A2M: variants seen among roughly 807,000 people sequenced by gnomAD.
A2M encodes the protein alpha-2-macroglobulin.
A2M carries 128 observed loss-of-function variants against 183.9 expected under a neutral mutation model. The observed-to-expected ratio is 0.70, with a 90% CI of 0.60 to 0.81. The LOEUF (loss-of-function observed/expected upper bound fraction) is 0.81, where lower values mean the gene tolerates loss of function less well. Ranked by LOEUF, A2M falls within the 30% of genes least tolerant of loss-of-function variation. A2M has a pLI of 0.00. For synonymous variants in A2M, 592 were observed against 670.8 expected (o/e 0.88, Z 1.81); for missense variants, 1,495 against 1,787.6 (o/e 0.84, Z 2.95).
In A2M at chr12:9,074,777, G is replaced by A. The variant is rs1490864105; in HGVS notation, c.3539C>T (p.Ser1180Phe). The change falls in exon 29 of 36, where the codon TCT becomes TTT. Residue 1180 changes from serine to phenylalanine, a missense_variant. Ser to Phe is a radical substitution (Grantham distance 155). Transcript: ENST00000318602. ...LNEEAVKKDN[S>F]VHWERPQKPK... ...TTTCTGAGGGCGCTCCCAATGGACA[G>A]AGTTGTCTTAAAGATGAGAAAAAGA... 3 of 1,611,360 alleles carry A rather than the reference G, an allele frequency of 1.9e-6. No homozygotes were observed. The highest frequency in any genetic ancestry group is 1.1e-5 in the South Asian group (1 of 90,532).
intron 29 of A2M, 62 bp from the exon 30 acceptor site, chr12:9,072,933 A>G: frequency 7.1e-7 from 1 of 1,409,394 alleles, no homozygotes; most frequent in Middle Eastern, 2.4e-4. Context: ...GGGCTGAGAT[A>G]TTTTTCAAAG....
rs1417202207 is a variant in A2M at position 9,099,380 on chromosome 12, C to G, written c.1701+1G>C. On this transcript the variant is annotated splice_donor_variant, in intron 14 of 35. Coordinates refer to ENST00000318602, the MANE Select transcript of A2M (RefSeq NM_000014.6). LOFTEE classifies it high-confidence loss of function. ...AAGATTTTATGATCTAAAACACACA[C>G]CTTGTTGGCCAGACAATTTTCAACA... The G allele has an allele frequency of 6.4e-7, 1 of 1,554,322 alleles. No homozygotes were observed.
chr12:9,076,708 C>G, intron 28 of A2M, 48 bp downstream of exon 28: 1 of 1,606,050 alleles, frequency 6.2e-7, no homozygotes, highest in Non-Finnish European at 8.5e-7. Flanking sequence ...CCATGCAGTT[C>G]TTGATACAGA....
In A2M at chr12:9,077,846, A is replaced by C; in HGVS notation, c.3131T>G (p.Phe1044Cys). The C allele has an allele frequency of 1.2e-6, 2 of 1,614,130 alleles. No homozygotes were observed. Among genetic ancestry groups the C allele is most frequent in the Non-Finnish European group, 1.7e-6 (2 of 1,179,992 alleles). The part of the protein sequence containing the change: ...RNQGNTWLTA[F>C]VLKTFAQARA... ...AGCTTGGGCAAAAGTCTTCAGAACA[A>C]AGGCTGTGAGCCTGACCAGGGAGGA... Residue 1044 changes from phenylalanine to cysteine, a missense_variant, in exon 26 of 36, where the codon TTT becomes TGT. By Grantham distance (205) the Phe-to-Cys change is radical. Coordinates refer to ENST00000318602, the MANE Select transcript of A2M (RefSeq NM_000014.6).
intron 24 of A2M, 94 bp downstream of exon 24, chr12:9,079,545 C>A: frequency 8.1e-7 from 1 of 1,241,500 alleles, no homozygotes; most frequent in Non-Finnish European, 1.1e-6. Context: ...GTGAGCTAAG[C>A]TAATGTATCA....
intron 1 of A2M, 26 bp from the exon 2 acceptor site, chr12:9,113,569 G>C: frequency 6.2e-7 from 1 of 1,601,374 alleles, no homozygotes; most frequent in Non-Finnish European, 8.5e-7. Context: ...TTCAGTTAGA[G>C]GAAAGTGAAG....
At chr12:9,101,789 T>A (rs11613746) in intron 11 of A2M, 115 bp from the exon 12 acceptor site, 119,854 of 838,696 alleles carry the variant, frequency 0.14, 9,352 homozygotes, top group African/African-American at 0.22. Context: ...AAATCTTTTG[T>A]TCCACAATGA....
chr12:9,075,318 A>G (rs143059280), intron 28 of A2M, among the ~76,000 whole-genome samples: 1 of 152,338 alleles, frequency 6.6e-6, no homozygotes, highest in Non-Finnish European at 1.5e-5. Context: ...ATATTCAGCA[A>G]TGGGGAAGAT....
Position 9,069,827 on chromosome 12 carries a change from A to C in A2M, c.4195-14T>G, listed in dbSNP as rs1256586944. 3.7e-6 allele frequency: 6 copies of C among 1,612,462 alleles called. No individual in the cohort carries two copies. The highest frequency in any genetic ancestry group is 4.2e-6 in the Non-Finnish European group (5 of 1,178,706). On this transcript the variant is annotated splice_polypyrimidine_tract_variant and intron_variant, in intron 32 of 35. Coordinates refer to ENST00000318602, the MANE Select transcript of A2M (RefSeq NM_000014.6). ...AGATCTTTCAAGCTGAAGAAAATTG[A>C]AATACCACAAATGTTAATAAATAGA... is the stretch of plus-strand genomic sequence containing the variant.
At chr12:9,107,406 G>A in intron 8 of A2M, 118 bp downstream of exon 8, 2 of 1,242,090 alleles carry the variant, frequency 1.6e-6, no homozygotes, top group Non-Finnish European at 2.2e-6. Context: ...AATTACAATA[G>A]CCAACATGGA....
At position 9,104,368 on chromosome 12, in the gene A2M, T is replaced by C. The variant is rs1333483272; in HGVS notation, c.1137A>G (p.Ile379Met). The change falls in exon 11 of 36, where the codon ATA (isoleucine) becomes ATG (methionine). Residue 379 changes from isoleucine (I) to methionine (M), a missense_variant. Ile to Met is a conservative substitution (Grantham distance 10). Transcript: ENST00000318602. ...CTCTGATGAATATGACTTTATTTGG[T>C]ATAGGGACGCCTTTCCCATCTACTA... ...VRLVDGKGVP[I>M]PNKVIFIRGN... The C allele has an allele frequency of 6.3e-7, 1 of 1,599,598 alleles. No homozygotes were observed. Among genetic ancestry groups the C allele is most frequent in the Non-Finnish European group, 8.5e-7 (1 of 1,172,246 alleles).
intron 29 of A2M, among the ~76,000 whole-genome samples, chr12:9,073,336 G>A (rs758603761): frequency 7.9e-5 from 12 of 152,288 alleles, no homozygotes; most frequent in African/African-American, 2.6e-4. Context: ...CATGAGCAGA[G>A]TCATGCTTCA....
intron 28 of A2M, among the ~76,000 whole-genome samples, chr12:9,075,050 C>T (rs1948700617): frequency 6.6e-6 from 1 of 152,292 alleles, no homozygotes; most frequent in South Asian, 2.1e-4. Flanking sequence ...AGAAATGGCA[C>T]AGCAGTTGTC....
chr12:9,104,215 T>G (rs1409283212), intron 11 of A2M, 24 bp downstream of exon 11: 3 of 1,599,706 alleles, frequency 1.9e-6, no homozygotes, highest in Admixed American at 3.5e-5. Flanking sequence ...CTTCATGTCA[T>G]TGGTAATTTC....
rs1313399840 is a variant in A2M at position 9,095,984 on chromosome 12, C to T, written c.1852-284G>A. Among the ~76,000 whole-genome samples, 7 of 151,700 alleles carry T rather than the reference C, an allele frequency of 4.6e-5. No individual in the cohort carries two copies. The East Asian group carries it at 1.4e-3, about 29-fold the overall frequency. On this transcript the variant is annotated intron_variant, in intron 15 of 35. Transcript: ENST00000318602. ...CCTTGTTAGCCAGGATGGTCTCGAT[C>T]TCCTGACCTCATGATCCACCCGCCT...
At chr12:9,101,326 A>G (rs1466395937) in intron 12 of A2M, 119 bp from the exon 13 acceptor site, 1 of 1,363,934 alleles carries the variant, frequency 7.3e-7, no homozygotes, top group Non-Finnish European at 1.0e-6. Flanking sequence ...AGAGAAATCA[A>G]ACTTTCAAAA....
intron 32 of A2M, among the ~76,000 whole-genome samples, 200 bp from the exon 33 acceptor site, chr12:9,070,013 TAA>T (rs1046666717): frequency 4.6e-5 from 7 of 152,246 alleles, no homozygotes; most frequent in African/African-American, 1.7e-4. Flanking sequence ...GACTAATGTG[TAA>T]AGTTATTTAT....
chr12:9,078,243 C>T (rs1378348109), intron 25 of A2M, among the ~76,000 whole-genome samples: 1 of 151,156 alleles, frequency 6.6e-6, no homozygotes, highest in East Asian at 1.9e-4. Flanking sequence ...TCCCTGTGTC[C>T]GTGTGTTCTC....
chr12:9,111,385 T>TGGTC, intron 4 of A2M: 1 of 363,602 alleles, frequency 2.8e-6, no homozygotes, highest in Admixed American at 3.3e-5. Context: ...ATGGGTGTGG[T>TGGTC]GCCTCATTTT....
Sources: allele counts gnomAD v4.1 joint callset (sites outside exome capture counted in the v4.1 genomes callset), GRCh38; gene constraint gnomAD v4.1.1; transcripts MANE v1.5; gene names NCBI Gene and HGNC (gene_info 2026-07-23, HGNC 2026-07-21).